LAMB3: variants seen among roughly 807,000 people sequenced by gnomAD.
LAMB3 encodes the protein laminin subunit beta 3, also known as laminin subunit beta-3.
LAMB3 carries 104 observed loss-of-function variants against 140.3 expected under a neutral mutation model. That is an observed-to-expected ratio of 0.74 (90% CI 0.63 to 0.87). The LOEUF is 0.87. Ranked by LOEUF, LAMB3 falls within the 40% of genes least tolerant of loss-of-function variation. The pLI, the probability that LAMB3 is intolerant of heterozygous loss-of-function variation, is 0.00. For missense variants in LAMB3, 1,531 were observed against 1,575.2 expected, an observed-to-expected ratio of 0.97 and a Z score of 0.47; for synonymous variants, 592 against 602.9, an observed-to-expected ratio of 0.98 and a Z score of 0.26.
In LAMB3 at chr1:209,621,966, G is replaced by A. The variant is rs1434318919; in HGVS notation, c.2701+570C>T. Among the ~76,000 whole-genome samples, 7 of 152,234 alleles carry A rather than the reference G, an allele frequency of 4.6e-5. No individual in the cohort carries two copies. In the East Asian group the frequency reaches 1.2e-3, roughly 25 times the overall value. ...GTTGACAACTGAATGAGGGTGAGTA[G>A]TGCAAGGAAAGTAAGATGATGGGGG... On this transcript the variant is annotated intron_variant, in intron 18 of 22. Transcript: ENST00000356082.
At chr1:209,619,380 C>T (rs184509079) in intron 18 of LAMB3, among the ~76,000 whole-genome samples, 1 of 152,306 alleles carries the variant, frequency 6.6e-6, no homozygotes, top group African/African-American at 2.4e-5. Context: ...TCCCCAGACC[C>T]CAGCACAGTG....
Position 209,638,551 on chromosome 1 carries a change from C to T in LAMB3, c.281G>A (p.Trp94Ter). 1 of 1,611,824 alleles carries T rather than the reference C, an allele frequency of 6.2e-7. No homozygotes were observed. The highest frequency in any genetic ancestry group is 8.5e-7 in the Non-Finnish European group (1 of 1,177,866). ...NVASSSGPMR[W>*]WQSQNDVNPV... ...ATGCTCACCATTCTGTGACTGCCAC[C>T]AGCGCATGGGGCCGGAGGATGAAGC... Residue 94 changes from tryptophan (W) to a stop codon, truncating the protein, a stop_gained, in exon 4 of 23, where the codon TGG becomes TAG. Coordinates refer to ENST00000356082, the MANE Select transcript of LAMB3 (RefSeq NM_000228.3). LOFTEE classifies it high-confidence loss of function.
At chr1:209,629,971 C>T in intron 9 of LAMB3, 46 bp from the exon 10 acceptor site, 1 of 1,572,936 alleles carries the variant, frequency 6.4e-7, no homozygotes, top group South Asian at 1.1e-5. Flanking sequence ...CACACCTTTG[C>T]TATCTACAGA....
intron 18 of LAMB3, among the ~76,000 whole-genome samples, chr1:209,622,257 G>A (rs1558149979): frequency 6.6e-6 from 1 of 152,216 alleles, no homozygotes; most frequent in Non-Finnish European, 1.5e-5. Context: ...GCCACTGAAG[G>A]ATTTTAAGCA....
chr1:209,616,431 T>C, intron 22 of LAMB3, 40 bp downstream of exon 22: 1 of 1,612,570 alleles, frequency 6.2e-7, no homozygotes, highest in Non-Finnish European at 8.5e-7. Context: ...CCAGCCTTCA[T>C]GAATGCCCAA....
intron 8 of LAMB3, 63 bp from the exon 9 acceptor site, chr1:209,630,798 G>A: frequency 6.4e-7 from 1 of 1,572,980 alleles, no homozygotes; most frequent in Non-Finnish European, 8.7e-7. Context: ...GGATGGACCT[G>A]CCCACTGCCC....
rs1665905864 is a variant in LAMB3 at position 209,615,182 on chromosome 1, C to T, written c.*89G>A. The T allele has an allele frequency of 1.3e-6, 2 of 1,566,226 alleles. No individual in the cohort carries two copies. Among genetic ancestry groups the T allele is most frequent in the Non-Finnish European group, 1.8e-6 (2 of 1,142,512 alleles). On this transcript the variant is annotated 3_prime_UTR_variant, in exon 23 of 23. Coordinates refer to ENST00000356082, the MANE Select transcript of LAMB3 (RefSeq NM_000228.3). ...GTACTTTAGGCTGCATGAAAGTCTCCTGGAGATGGAAAGCATTCCAACCCA... is the reference window on the plus strand; with the variant it reads ...GTACTTTAGGCTGCATGAAAGTCTCTTGGAGATGGAAAGCATTCCAACCCA...
At chr1:209,631,088 C>T (rs1191199538) in intron 8 of LAMB3, among the ~76,000 whole-genome samples, 2 of 152,218 alleles carry the variant, frequency 1.3e-5, no homozygotes, top group Non-Finnish European at 2.9e-5. Flanking sequence ...GATCCAGAAG[C>T]TGGTGGGGCC....
chr1:209,620,801 T>C (rs966533433), intron 18 of LAMB3, among the ~76,000 whole-genome samples: 3 of 152,322 alleles, frequency 2.0e-5, no homozygotes, highest in African/African-American at 4.8e-5. Flanking sequence ...GCCTTAACTA[T>C]TCATTTTGTC....
chr1:209,625,363 G>A (rs553267035), intron 14 of LAMB3, among the ~76,000 whole-genome samples: 64 of 152,244 alleles, frequency 4.2e-4, no homozygotes, highest in African/African-American at 1.4e-3. Flanking sequence ...GCAGCACTGG[G>A]CACTTAAAAG....
At position 209,623,435 on chromosome 1, in the gene LAMB3, G is replaced by A. The variant is rs759517137; in HGVS notation, c.2358+70C>T. ...GCAGATCTGCCCTAATAGGAAGCAG[G>A]TGGCAGCAGTTGGTGTGTGACAAGC... On this transcript the variant is annotated intron_variant, in intron 16 of 22. Coordinates refer to ENST00000356082, the MANE Select transcript of LAMB3 (RefSeq NM_000228.3). The surrounding 1 kb of genome is among the most constrained non-coding windows in gnomAD (Gnocchi z 4.2). 42 of 1,453,518 alleles carry A rather than the reference G, an allele frequency of 2.9e-5. No homozygotes were observed. In the African/African-American group the frequency reaches 4.7e-4, roughly 16 times the overall value. 90.0% of individuals were successfully genotyped at this position (1,453,518 alleles called of 1,614,324 possible). A position where few individuals can be genotyped will look rare whatever the true frequency, so the allele number is the denominator to read the frequency against.
Position 209,627,583 on chromosome 1 carries a change from CAGG to C in LAMB3, c.1289-7_1289-5del, listed in dbSNP as rs1476387418. Reference sequence around the variant, plus strand: ...CCCAGGATGTTGCAGTCACAGCCTGCAGGAGGAGAGCTGCTGAGCTCAGGCAGA... The same window carrying C: ...CCCAGGATGTTGCAGTCACAGCCTGCAGGAGAGCTGCTGAGCTCAGGCAGA... On this transcript the variant is annotated splice_region_variant and splice_polypyrimidine_tract_variant and intron_variant, in intron 11 of 22. Coordinates refer to ENST00000356082, the MANE Select transcript of LAMB3 (RefSeq NM_000228.3). 11 of 1,613,804 alleles carry C rather than the reference CAGG, an allele frequency of 6.8e-6. No homozygotes were observed. The highest frequency in any genetic ancestry group is 9.3e-6 in the Non-Finnish European group (11 of 1,179,872).
intron 18 of LAMB3, among the ~76,000 whole-genome samples, chr1:209,621,644 T>C (rs962110385): frequency 2.6e-5 from 4 of 152,194 alleles, no homozygotes; most frequent in South Asian, 2.1e-4. Flanking sequence ...CAGAATAAAC[T>C]TGTGAAATAC....
At chr1:209,618,226 T>C (rs1666055173) in intron 19 of LAMB3, among the ~76,000 whole-genome samples, 178 bp from the exon 20 acceptor site, 1 of 152,220 alleles carries the variant, frequency 6.6e-6, no homozygotes, top group South Asian at 2.1e-4. Context: ...ACGTGATGAA[T>C]GTTCCCATTA....
intron 5 of LAMB3, among the ~76,000 whole-genome samples, chr1:209,636,212 G>A (rs551272376): frequency 2.0e-5 from 3 of 152,130 alleles, no homozygotes; most frequent in South Asian, 2.1e-4. Context: ...TTTCTCAACC[G>A]TTCTCACTGT....
chr1:209,616,753 A>G (rs973182431), intron 21 of LAMB3, 129 bp from the exon 22 acceptor site: 21 of 889,874 alleles, frequency 2.4e-5, no homozygotes, highest in East Asian at 1.1e-4. Context: ...CCCCAATAGC[A>G]TTGGTTTTGC....
chr1:209,615,043 A>G lies in LAMB3; in HGVS notation c.*228T>C. On this transcript the variant is annotated 3_prime_UTR_variant, in exon 23 of 23. Coordinates refer to ENST00000356082, the MANE Select transcript of LAMB3 (RefSeq NM_000228.3). ...CTTGACTTGAGAGCTCTTAGTTTCAATGGCATGCCAATCTCCACCATCTTT... is the reference window on the plus strand; with the variant it reads ...CTTGACTTGAGAGCTCTTAGTTTCAGTGGCATGCCAATCTCCACCATCTTT... The G allele has an allele frequency of 1.8e-6, 1 of 556,120 alleles. No individual in the cohort carries two copies. Among genetic ancestry groups the G allele is most frequent in the South Asian group, 2.4e-5 (1 of 41,196 alleles). 34.4% of individuals were successfully genotyped at this position (556,120 alleles called of 1,614,324 possible). A position where few individuals can be genotyped will look rare whatever the true frequency, so the allele number is the denominator to read the frequency against.
chr1:209,639,666 C>G lies in LAMB3; in HGVS notation c.184-1018G>C, dbSNP rs75661030. ...ACGCACACGCGTGCACATGCGCACA[C>G]GCACACACACACACACAGATAACAC... On this transcript the variant is annotated intron_variant, in intron 3 of 22. Transcript: ENST00000356082. 4.6e-3 allele frequency among the ~76,000 whole-genome samples: 706 copies of G among 152,174 alleles called. 5 individuals carry two copies. The highest frequency in any genetic ancestry group is 0.016 in the African/African-American group (676 of 41,484).
In LAMB3 at chr1:209,647,696, G is replaced by C. The variant is rs375332063; in HGVS notation, c.183+2268C>G. 2.0e-5 allele frequency among the ~76,000 whole-genome samples: 3 copies of C among 152,170 alleles called. 1 individual carries two copies. The highest frequency in any genetic ancestry group is 7.2e-5 in the African/African-American group (3 of 41,532). ...TTGCATTCGGCCAGCCTCATTTCTG[G>C]CTGTGGCTGTCCAGTACACCCCCTA... On this transcript the variant is annotated intron_variant, in intron 3 of 22. Transcript: ENST00000356082.
Sources: allele counts gnomAD v4.1 joint callset (sites outside exome capture counted in the v4.1 genomes callset), GRCh38; gene constraint gnomAD v4.1.1; non-coding constraint Gnocchi (gnomAD v3.1); transcripts MANE v1.5; gene names NCBI Gene and HGNC (gene_info 2026-07-23, HGNC 2026-07-21).